CORO2B: variants seen among roughly 807,000 people sequenced by gnomAD.
The protein encoded by CORO2B is coronin 2B.
In CORO2B, 26 loss-of-function variants were observed where a neutral mutation model predicts 58.8. The ratio of observed to expected loss-of-function variants is 0.44; its 90% CI spans 0.32 to 0.61. The LOEUF (loss-of-function observed/expected upper bound fraction) is 0.61. Ranked by LOEUF, CORO2B falls within the 20% of genes least tolerant of loss-of-function variation. The pLI is 0.04. For synonymous variants in CORO2B, 242 were observed against 253.8 expected (o/e 0.95, Z 0.44); for missense variants, 460 against 645.1 (o/e 0.71, Z 3.11).
intron 2 of CORO2B, among the ~76,000 whole-genome samples, chr15:68,690,312 G>A (rs1057297418): frequency 6.6e-6 from 1 of 152,098 alleles, no homozygotes; most frequent in Non-Finnish European, 1.5e-5. Context: ...TCCCTGTCCC[G>A]TCTTGTGACA....
intron 2 of CORO2B, among the ~76,000 whole-genome samples, chr15:68,673,176 T>G (rs1902461200): frequency 6.6e-6 from 1 of 152,026 alleles, no homozygotes; most frequent in South Asian, 2.1e-4. Flanking sequence ...AGGGGTGTCA[T>G]TTGGAATGTC....
At chr15:68,583,337 G>A (rs1899475952) in intron 1 of CORO2B, among the ~76,000 whole-genome samples, 1 of 152,230 alleles carries the variant, frequency 6.6e-6, no homozygotes, top group Non-Finnish European at 1.5e-5. Context: ...TGAGACGCTG[G>A]GAGCAGAAGT....
intron 1 of CORO2B, among the ~76,000 whole-genome samples, chr15:68,613,841 C>T (rs1900294236): frequency 6.6e-6 from 1 of 152,216 alleles, no homozygotes; most frequent in Non-Finnish European, 1.5e-5. Context: ...ACACTTTGTT[C>T]TCATTGTCAT....
chr15:68,624,686 C>A (rs1024922008), intron 1 of CORO2B, among the ~76,000 whole-genome samples: 2 of 142,820 alleles, frequency 1.4e-5, no homozygotes, highest in Non-Finnish European at 3.0e-5. Flanking sequence ...TTTTTTTTTT[C>A]TTTTCTTTTC....
intron 1 of CORO2B, among the ~76,000 whole-genome samples, chr15:68,598,137 ACT>A (rs1413989842): frequency 6.6e-6 from 1 of 152,128 alleles, no homozygotes; most frequent in Non-Finnish European, 1.5e-5. Context: ...GAGCATTTTC[ACT>A]GTTTCAGAGA....
At chr15:68,690,893 G>A (rs961381965) in intron 2 of CORO2B, among the ~76,000 whole-genome samples, 8 of 148,090 alleles carry the variant, frequency 5.4e-5, no homozygotes, top group East Asian at 2.0e-4. Flanking sequence ...GGGCTTAAAC[G>A]ATCCACCTGC....
chr15:68,549,346 G>A, the CORO2B span, among the ~76,000 whole-genome samples: 1 of 149,652 alleles, frequency 6.7e-6, no homozygotes, highest in Non-Finnish European at 1.5e-5. Flanking sequence ...TTTACACTGG[G>A]GTCTTCCATG....
intron 2 of CORO2B, among the ~76,000 whole-genome samples, chr15:68,691,882 C>A (rs1337078578): frequency 6.6e-6 from 1 of 152,116 alleles, no homozygotes; most frequent in Non-Finnish European, 1.5e-5. Flanking sequence ...TGGTTCGGTG[C>A]CTTTCAGATT....
At chr15:68,545,712 T>C in the CORO2B span, among the ~76,000 whole-genome samples, 1 of 150,504 alleles carries the variant, frequency 6.6e-6, no homozygotes, top group African/African-American at 2.5e-5. Flanking sequence ...GCAGAATCAC[T>C]CCTTGGAAAG....
At chr15:68,535,547 A>T in the CORO2B span, among the ~76,000 whole-genome samples, 1 of 151,986 alleles carries the variant, frequency 6.6e-6, no homozygotes, top group Admixed American at 6.6e-5. Flanking sequence ...ATTATTATTA[A>T]GCTTTCATAC....
Position 68,681,106 on chromosome 15 carries a change from G to A in CORO2B, c.217-14034G>A, listed in dbSNP as rs554782324. ...CAGGTGCCTGTAATCCCAGCTACTC[G>A]CGAACCTGAGGCAGGAGAATCGCTT... is the stretch of plus-strand genomic sequence containing the variant. On this transcript the variant is annotated intron_variant, in intron 2 of 11. Transcript: ENST00000261861. 5.3e-5 allele frequency among the ~76,000 whole-genome samples: 8 copies of A among 149,722 alleles called. No homozygotes were observed. The South Asian group carries it at 1.3e-3, about 23-fold the overall frequency.
At chr15:68,545,467 C>T in the CORO2B span, among the ~76,000 whole-genome samples, 1 of 152,112 alleles carries the variant, frequency 6.6e-6, no homozygotes, top group African/African-American at 2.4e-5. Context: ...TTGCTTGCTA[C>T]ATTTTAAAGT....
intron 2 of CORO2B, among the ~76,000 whole-genome samples, chr15:68,684,902 C>T (rs1902911220): frequency 6.6e-6 from 1 of 152,206 alleles, no homozygotes; most frequent in Admixed American, 6.5e-5. Flanking sequence ...TAATGACTCT[C>T]TCTCTTTTAA....
At chr15:68,670,677 C>T (rs186451351) in intron 2 of CORO2B, among the ~76,000 whole-genome samples, 1 of 152,208 alleles carries the variant, frequency 6.6e-6, no homozygotes, top group East Asian at 1.9e-4. Flanking sequence ...GATTCACAAG[C>T]AAATAAATGC....
At chr15:68,646,829 G>C (rs993349626) in intron 2 of CORO2B, among the ~76,000 whole-genome samples, 6 of 152,278 alleles carry the variant, frequency 3.9e-5, no homozygotes, top group Non-Finnish European at 7.3e-5. Context: ...CACTATGCTG[G>C]TCAACTTGGC....
In CORO2B at chr15:68,699,823, C is replaced by A. The variant is rs139303840; in HGVS notation, c.333+4567C>A. ...CCTGACTCCCAGTCTGCACTCTCAG[C>A]CCCTCACCAGTGGCCCTGGTTCTAC... On this transcript the variant is annotated intron_variant, in intron 3 of 11. Coordinates refer to ENST00000261861, the MANE Select transcript of CORO2B (RefSeq NM_006091.5). 1.6e-4 allele frequency among the ~76,000 whole-genome samples: 24 copies of A among 152,326 alleles called. No individual in the cohort carries two copies. The East Asian group carries it at 4.3e-3, about 27-fold the overall frequency.
chr15:68,529,249 A>G, the CORO2B span, among the ~76,000 whole-genome samples: 2 of 152,172 alleles, frequency 1.3e-5, no homozygotes, highest in Non-Finnish European at 2.9e-5. Flanking sequence ...GGGAAGCATA[A>G]ATCTATTTAC....
chr15:68,550,628 T>C, the CORO2B span, among the ~76,000 whole-genome samples: 5 of 152,248 alleles, frequency 3.3e-5, no homozygotes, highest in African/African-American at 1.2e-4. Context: ...CCCCGAGTTC[T>C]GGGATTCTGG....
At chr15:68,654,591 T>C (rs1441720272) in intron 2 of CORO2B, among the ~76,000 whole-genome samples, 1 of 152,226 alleles carries the variant, frequency 6.6e-6, no homozygotes, top group Non-Finnish European at 1.5e-5. Flanking sequence ...CTCCACCCCT[T>C]AGCTGTGAAA....
Sources: gnomAD v4.1 joint callset for allele counts (sites outside exome capture counted in the v4.1 genomes callset) on GRCh38, gnomAD v4.1.1 for gene constraint, MANE v1.5 for transcripts, NCBI Gene and HGNC (gene_info 2026-07-23, HGNC 2026-07-21) for gene names.